CDC73: variants seen among roughly 807,000 people sequenced by gnomAD.
The protein encoded by CDC73 is cell division cycle 73.
In CDC73, 21 loss-of-function variants were observed where a neutral mutation model predicts 83.7. The observed-to-expected ratio is 0.25, with a 90% CI of 0.18 to 0.36. The LOEUF (loss-of-function observed/expected upper bound fraction) is 0.36. CDC73 is among the 10% of genes least tolerant of loss of function. The pLI is 1.00. For synonymous variants in CDC73, 224 were observed against 212.9 expected, an observed-to-expected ratio of 1.05 and a Z score of -0.45; for missense variants, 342 against 653.3, an observed-to-expected ratio of 0.52 and a Z score of 5.19.
intron 3 of CDC73, among the ~76,000 whole-genome samples, chr1:193,131,279 C>T (rs1675689023): frequency 6.6e-6 from 1 of 152,226 alleles, no homozygotes; most frequent in African/African-American, 2.4e-5. Context: ...TAGTGAGACG[C>T]TCTTCCTGCA....
At chr1:193,173,146 T>G (rs1485026529) in intron 10 of CDC73, among the ~76,000 whole-genome samples, 3 of 152,204 alleles carry the variant, frequency 2.0e-5, no homozygotes, top group Admixed American at 6.5e-5. Context: ...CTGCAGGTTG[T>G]GCTTTTTTGT....
chr1:193,240,685 T>C (rs890392885), intron 15 of CDC73, among the ~76,000 whole-genome samples: 14 of 152,242 alleles, frequency 9.2e-5, no homozygotes, highest in African/African-American at 3.4e-4. Flanking sequence ...TCATGTCCTT[T>C]GCCCACTTTT....
rs576522502 is a variant in CDC73 at position 193,143,112 on chromosome 1, A to G, written c.729+1046A>G. 1.7e-3 allele frequency among the ~76,000 whole-genome samples: 266 copies of G among 152,336 alleles called. 2 individuals are homozygous for G. The highest frequency in any genetic ancestry group is 6.3e-3 in the African/African-American group (260 of 41,574). ...AATTTACATTGCTATTTTAGTAGAA[A>G]TAAAGCTATGAAAAGAGTATATGAA... is the stretch of plus-strand genomic sequence containing the variant. On this transcript the variant is annotated intron_variant, in intron 7 of 16. Coordinates refer to ENST00000367435, the MANE Select transcript of CDC73 (RefSeq NM_024529.5).
intron 15 of CDC73, among the ~76,000 whole-genome samples, chr1:193,237,441 A>G (rs1351670496): frequency 6.6e-6 from 1 of 152,188 alleles, no homozygotes; most frequent in Non-Finnish European, 1.5e-5. Context: ...AAAAGCTTTG[A>G]AAGATAATTT....
At chr1:193,214,410 G>A (rs1380489083) in intron 13 of CDC73, among the ~76,000 whole-genome samples, 1 of 152,122 alleles carries the variant, frequency 6.6e-6, no homozygotes, top group African/African-American at 2.4e-5. Flanking sequence ...AGTTGTACCT[G>A]AGGGGAATTA....
intron 10 of CDC73, among the ~76,000 whole-genome samples, chr1:193,165,241 C>T (rs1676417075): frequency 6.6e-6 from 1 of 152,108 alleles, no homozygotes. Flanking sequence ...TAATGAGGCT[C>T]CTTAAACCTC....
intron 10 of CDC73, among the ~76,000 whole-genome samples, chr1:193,203,551 CTA>C (rs1025993044): frequency 2.0e-4 from 31 of 152,096 alleles, no homozygotes; most frequent in Non-Finnish European, 3.5e-4. Flanking sequence ...TCTGTAGTAA[CTA>C]AGTTTATTTT....
chr1:193,122,546 G>T, intron 1 of CDC73: 1 of 547,516 alleles, frequency 1.8e-6, no homozygotes. Context: ...AAATTTTTGA[G>T]AAGCCCAAAG....
At chr1:193,212,184 G>GT (rs1677291243) in intron 12 of CDC73, 84 bp downstream of exon 12, 1 of 1,134,186 alleles carries the variant, frequency 8.8e-7, no homozygotes, top group South Asian at 1.3e-5. Flanking sequence ...TTGTGCAGCT[G>GT]TATCACATGT....
chr1:193,128,830 C>CTTG (rs1417944596), intron 2 of CDC73, among the ~76,000 whole-genome samples: 1 of 152,062 alleles, frequency 6.6e-6, no homozygotes, highest in South Asian at 2.1e-4. Context: ...ACTAAAGGTT[C>CTTG]TTGTTGTTAC....
chr1:193,195,377 A>G (rs1239882714), intron 10 of CDC73, among the ~76,000 whole-genome samples: 1 of 152,036 alleles, frequency 6.6e-6, no homozygotes, highest in Non-Finnish European at 1.5e-5. Flanking sequence ...TTGTGTATAT[A>G]TATAATTTAT....
intron 13 of CDC73, among the ~76,000 whole-genome samples, chr1:193,225,850 G>A (rs929759706): frequency 2.0e-5 from 3 of 152,200 alleles, no homozygotes; most frequent in African/African-American, 7.2e-5. Flanking sequence ...CCCACTCTGT[G>A]AGTTGACTGT....
At chr1:193,246,042 G>A (rs1677948107) in intron 15 of CDC73, among the ~76,000 whole-genome samples, 1 of 152,106 alleles carries the variant, frequency 6.6e-6, no homozygotes, top group African/African-American at 2.4e-5. Context: ...CCTGTCAGAT[G>A]AGTAATTTGC....
chr1:193,186,048 G>C (rs1233682927), intron 10 of CDC73: 2 of 152,462 alleles, frequency 1.3e-5, no homozygotes, highest in Non-Finnish European at 2.9e-5. Context: ...TATGTGAAGA[G>C]GATTATGCCC....
intron 15 of CDC73, among the ~76,000 whole-genome samples, chr1:193,248,962 A>G (rs1236786627): frequency 6.6e-6 from 1 of 152,086 alleles, no homozygotes; most frequent in Non-Finnish European, 1.5e-5. Context: ...TGACATAAAT[A>G]TAGTAAAGCG....
chr1:193,155,108 G>A (rs1228317857), intron 10 of CDC73, among the ~76,000 whole-genome samples: 2 of 152,060 alleles, frequency 1.3e-5, no homozygotes, highest in Non-Finnish European at 2.9e-5. Flanking sequence ...TTATGCAGAC[G>A]GCTAGAATAT....
chr1:193,155,293 A>G (rs1313044515), intron 10 of CDC73, among the ~76,000 whole-genome samples: 1 of 152,168 alleles, frequency 6.6e-6, no homozygotes, highest in East Asian at 1.9e-4. Flanking sequence ...AGCAACAGAA[A>G]CCCAGGTATC....
At chr1:193,196,079 A>G (rs1479677749) in intron 10 of CDC73, among the ~76,000 whole-genome samples, 2 of 152,152 alleles carry the variant, frequency 1.3e-5, no homozygotes, top group African/African-American at 2.4e-5. Flanking sequence ...ATTCAGTTTC[A>G]TGAAGCTTTT....
At chr1:193,209,254 A>G (rs1572200423) in intron 11 of CDC73, among the ~76,000 whole-genome samples, 1 of 152,244 alleles carries the variant, frequency 6.6e-6, no homozygotes, top group African/African-American at 2.4e-5. Context: ...GGCAATTAGC[A>G]CACTTGCTTG....
Sources: allele counts gnomAD v4.1 joint callset (sites outside exome capture counted in the v4.1 genomes callset), GRCh38; gene constraint gnomAD v4.1.1; transcripts MANE v1.5; gene names NCBI Gene and HGNC (gene_info 2026-07-23, HGNC 2026-07-21).